Variants in TUBGCP2 observed in about 807,000 individuals in gnomAD.
TUBGCP2 encodes the protein tubulin gamma complex component 2, also known as gamma-tubulin complex component 2.
Under a neutral mutation model 92.2 loss-of-function variants are expected in TUBGCP2, and 55 were observed. The ratio of observed to expected loss-of-function variants is 0.60; its 90% CI spans 0.48 to 0.75. The LOEUF (loss-of-function observed/expected upper bound fraction) is 0.75. TUBGCP2 is among the 30% of genes least tolerant of loss of function. The probability of loss-of-function intolerance (pLI) is 0.00; values close to 1 mark genes in which losing one functional copy is unlikely to be tolerated. For synonymous variants in TUBGCP2, 533 were observed against 505.2 expected (o/e 1.06, Z -0.74); for missense variants, 1,093 against 1,188.9 (o/e 0.92, Z 1.19).
upstream of TUBGCP2, chr10:133,309,189 C>T (rs1847922960): frequency 3.6e-6 from 5 of 1,371,738 alleles, no homozygotes; most frequent in Admixed American, 3.2e-5. Flanking sequence ...GAGGGGCCTA[C>T]GACTGCGGGG....
At chr10:133,310,054 T>C, upstream of TUBGCP2, 4 of 1,608,878 alleles carry the variant, frequency 2.5e-6, no homozygotes, top group Non-Finnish European at 3.4e-6. Flanking sequence ...AGCTCTCGGG[T>C]GCTCGGGCAA....
chr10:133,301,371 C>A (rs1227041711), intron 2 of TUBGCP2, among the ~76,000 whole-genome samples: 1 of 152,084 alleles, frequency 6.6e-6, no homozygotes, highest in Admixed American at 6.6e-5. Context: ...GTGATCCACC[C>A]GCCTCGGCCT....
At position 133,282,249 on chromosome 10, in the gene TUBGCP2, G is replaced by T; in HGVS notation, c.2383C>A (p.Arg795=). The T allele has an allele frequency of 6.2e-7, 1 of 1,611,524 alleles. No individual in the cohort carries two copies. The highest frequency in any genetic ancestry group is 1.1e-5 in the South Asian group (1 of 90,810). The change falls in exon 16 of 18, where the codon CGG becomes AGG. Residue 795 remains arginine (R), a synonymous_variant. Coordinates refer to ENST00000252936, the MANE Select transcript of TUBGCP2 (RefSeq NM_006659.4). ...VLGLPAGAEE[R]ARKELARKHL... is the part of the protein sequence containing the mutation. The stretch of plus-strand genomic sequence containing the variant: ...TTCCTGGCGAGCTCCTTCCGGGCCC[G>T]CTCCTCGGCCCCTGCGGGCAGCCCC...
chr10:133,289,203 G>T (rs1162920795), intron 9 of TUBGCP2, among the ~76,000 whole-genome samples, 183 bp from the exon 10 acceptor site: 1 of 152,164 alleles, frequency 6.6e-6, no homozygotes, highest in Non-Finnish European at 1.5e-5. Flanking sequence ...TGCATGAGGC[G>T]GCTCCACACC....
chr10:133,289,594 G>A (rs1238598264), intron 9 of TUBGCP2, among the ~76,000 whole-genome samples: 1 of 152,186 alleles, frequency 6.6e-6, no homozygotes, highest in Non-Finnish European at 1.5e-5. Context: ...ACAGAGTCCC[G>A]GAGATGGAAA....
At chr10:133,301,056 C>A (rs1279984569) in intron 2 of TUBGCP2, among the ~76,000 whole-genome samples, 1 of 152,196 alleles carries the variant, frequency 6.6e-6, no homozygotes, top group African/African-American at 2.4e-5. Context: ...GTATTCCCCG[C>A]AGTAGTTTAT....
chr10:133,301,066 T>C (rs1338407072), intron 2 of TUBGCP2, among the ~76,000 whole-genome samples: 1 of 152,248 alleles, frequency 6.6e-6, no homozygotes, highest in East Asian at 1.9e-4. Flanking sequence ...CAGTAGTTTA[T>C]GCGTTCATTG....
chr10:133,299,720 G>C (rs1847590786), intron 3 of TUBGCP2, 117 bp from the exon 4 acceptor site: 3 of 950,016 alleles, frequency 3.2e-6, no homozygotes, highest in Non-Finnish European at 4.7e-6. Flanking sequence ...CCCATTAATA[G>C]CAAAGCGACG....
chr10:133,302,598 T>C (rs1367410253), intron 2 of TUBGCP2, 194 bp downstream of exon 2: 8 of 617,348 alleles, frequency 1.3e-5, no homozygotes, highest in Non-Finnish European at 2.2e-5. Flanking sequence ...CCAGGAACAG[T>C]GTTCATCCTG....
Position 133,285,319 on chromosome 10 carries a change from G to GA in TUBGCP2, c.1896-107dup, listed in dbSNP as rs559267025. On this transcript the variant is annotated intron_variant, in intron 12 of 17. Coordinates refer to ENST00000252936, the MANE Select transcript of TUBGCP2 (RefSeq NM_006659.4). The surrounding 1 kb of genome is among the most constrained non-coding windows in gnomAD (Gnocchi z 6.8). ...GCACCGTGGCCCCCGGACAGCCCGT[G>GA]AATCTCTCGGACACTGAAGGCCGGG... The GA allele has an allele frequency of 1.0e-3, 1,604 of 1,590,592 alleles. 3 individuals are homozygous for GA. Among genetic ancestry groups the GA allele is most frequent in the Non-Finnish European group, 1.3e-3 (1,520 of 1,171,082 alleles).
Position 133,279,535 on chromosome 10 carries a change from A to C in TUBGCP2, c.*231T>G, listed in dbSNP as rs1014621071. On this transcript the variant is annotated 3_prime_UTR_variant, in exon 18 of 18. Transcript: ENST00000252936. ...AAAACACCCAAAAAGGTGATAGTGT[A>C]ATTTCAAAAAGCAAACAGATTAGCA... The C allele has an allele frequency of 1.8e-5, 11 of 604,798 alleles. No individual in the cohort carries two copies. Among genetic ancestry groups the C allele is most frequent in the Non-Finnish European group, 2.7e-5 (10 of 375,240 alleles). The allele number at this position is 604,798 out of a possible 1,614,324, so 37.5% of individuals were successfully genotyped here.
intron 7 of TUBGCP2, 38 bp from the exon 8 acceptor site, chr10:133,292,726 G>A (rs779968208): frequency 5.0e-6 from 8 of 1,587,188 alleles, no homozygotes; most frequent in Admixed American, 1.7e-5. Context: ...TGAGAAGGAA[G>A]CGCACGCCCA....
intron 17 of TUBGCP2, 127 bp from the exon 18 acceptor site, chr10:133,280,028 G>C: frequency 1.4e-6 from 2 of 1,400,218 alleles, no homozygotes; most frequent in Non-Finnish European, 1.9e-6. Flanking sequence ...TGGGCAGCAG[G>C]GGTGAGGAAG....
intron 2 of TUBGCP2, chr10:133,302,263 G>A (rs778111057): frequency 2.4e-5 from 4 of 164,148 alleles, no homozygotes; most frequent in African/African-American, 4.8e-5. Flanking sequence ...ACCCAGGAAC[G>A]GGCACTCACC....
At chr10:133,309,774 A>G, upstream of TUBGCP2, 1 of 1,612,632 alleles carries the variant, frequency 6.2e-7, no homozygotes, top group Non-Finnish European at 8.5e-7. Context: ...TCTCCTTGGC[A>G]GGGTGCCCGC....
chr10:133,294,264 G>A (rs1209620633), intron 5 of TUBGCP2, among the ~76,000 whole-genome samples: 19 of 152,208 alleles, frequency 1.2e-4, no homozygotes, highest in African/African-American at 2.2e-4. Flanking sequence ...GCCACGGGCC[G>A]CCACCCACCA....
Position 133,289,039 on chromosome 10 carries a change from A to C in TUBGCP2, c.1361-19T>G. The C allele has an allele frequency of 1.2e-6, 2 of 1,604,616 alleles. No homozygotes were observed. Among genetic ancestry groups the C allele is most frequent in the Non-Finnish European group, 1.7e-6 (2 of 1,173,150 alleles). ...TATTTTCCTGAAAACACAGAAATTC[A>C]AAATTTTATTCTCCACATGGTCGAT... On this transcript the variant is annotated intron_variant, in intron 9 of 17. Transcript: ENST00000252936.
At chr10:133,303,119 C>G (rs1026403158) in intron 1 of TUBGCP2, 139 bp from the exon 2 acceptor site, 3 of 762,754 alleles carry the variant, frequency 3.9e-6, no homozygotes, top group Non-Finnish European at 6.3e-6. Context: ...GGCCCCTCCC[C>G]CAACAGCCCA....
At chr10:133,311,695 C>T, upstream of TUBGCP2, 2 of 1,602,518 alleles carry the variant, frequency 1.2e-6, no homozygotes, top group South Asian at 1.1e-5. Flanking sequence ...AGGGCAGTTA[C>T]TCACTGCTCT....
Sources: allele counts gnomAD v4.1 joint callset (sites outside exome capture counted in the v4.1 genomes callset), GRCh38; gene constraint gnomAD v4.1.1; non-coding constraint Gnocchi (gnomAD v3.1); transcripts MANE v1.5; gene names NCBI Gene and HGNC (gene_info 2026-07-23, HGNC 2026-07-21).